KIAA2012: variants seen among roughly 807,000 people sequenced by gnomAD.
KIAA2012 encodes the protein uncharacterized protein KIAA2012.
In KIAA2012, 125 loss-of-function variants were observed where a neutral mutation model predicts 150.6. The observed-to-expected ratio is 0.83, with a 90% CI of 0.72 to 0.96. The LOEUF (loss-of-function observed/expected upper bound fraction) is 0.96. KIAA2012 is among the 40% of genes least tolerant of loss of function. The pLI is 0.00. For synonymous variants in KIAA2012, 462 were observed against 504.7 expected, an observed-to-expected ratio of 0.92 and a Z score of 1.13; for missense variants, 1,219 against 1,354.9, an observed-to-expected ratio of 0.90 and a Z score of 1.57.
In KIAA2012 at chr2:202,125,392, C is replaced by G. The variant is rs937810597; in HGVS notation, c.1831+110C>G. 16 of 795,632 alleles carry G rather than the reference C, an allele frequency of 2.0e-5. 1 individual carries two copies. Among genetic ancestry groups the G allele is most frequent in the Middle Eastern group, 5.2e-4 (2 of 3,814 alleles). 49.3% of individuals were successfully genotyped at this position (795,632 alleles called of 1,614,324 possible). Reference sequence around the variant, plus strand: ...AACCCACAATTTCTCCCCAAATATACCAATAAGTAGCAGAGAGGATTTGCT... The same window carrying G: ...AACCCACAATTTCTCCCCAAATATAGCAATAAGTAGCAGAGAGGATTTGCT... On this transcript the variant is annotated intron_variant, in intron 12 of 23. Coordinates refer to ENST00000498697, the MANE Select transcript of KIAA2012 (RefSeq NM_001277372.4).
intron 15 of KIAA2012, among the ~76,000 whole-genome samples, chr2:202,168,930 C>T (rs1470126159): frequency 6.6e-6 from 1 of 152,168 alleles, no homozygotes; most frequent in Non-Finnish European, 1.5e-5. Flanking sequence ...AGGCCCAGAG[C>T]CCTATTGCCT....
chr2:202,113,043 G>A (rs1056142219), intron 10 of KIAA2012, among the ~76,000 whole-genome samples: 6 of 152,118 alleles, frequency 3.9e-5, no homozygotes, highest in African/African-American at 9.7e-5. Flanking sequence ...GAGTGCCCCC[G>A]CTCACTTAGC....
intron 14 of KIAA2012, among the ~76,000 whole-genome samples, chr2:202,156,222 A>G (rs762597976): frequency 6.6e-6 from 1 of 152,070 alleles, no homozygotes; most frequent in Non-Finnish European, 1.5e-5. Context: ...AAAAAAAACT[A>G]CAAGAAAGAA....
At chr2:202,083,810 A>G (rs887661151) in intron 2 of KIAA2012, among the ~76,000 whole-genome samples, 6 of 152,162 alleles carry the variant, frequency 3.9e-5, no homozygotes, top group African/African-American at 1.4e-4. Flanking sequence ...ATCTGGTGAA[A>G]GAGGCGGATT....
chr2:202,179,338 G>C, intron 15 of KIAA2012: 1 of 1,084,810 alleles, frequency 9.2e-7, no homozygotes, highest in Non-Finnish European at 1.4e-6. Flanking sequence ...CATTCAGCCC[G>C]TCTGATAAAC....
In KIAA2012 at chr2:202,110,893, C is replaced by CTTCTGTTT. The variant is rs556674795; in HGVS notation, c.1651+1105_1651+1112dup. Among the ~76,000 whole-genome samples, 260 of 152,262 alleles carry CTTCTGTTT rather than the reference C, an allele frequency of 1.7e-3. 1 individual carries two copies. The highest frequency in any genetic ancestry group is 3.1e-3 in the Non-Finnish European group (212 of 68,022). On this transcript the variant is annotated intron_variant, in intron 10 of 23. Coordinates refer to ENST00000498697, the MANE Select transcript of KIAA2012 (RefSeq NM_001277372.4). ...TAATAGTTCCATTCTGTGTTTGCAG[C>CTTCTGTTT]TTCTGTTTCAGGCTGAGATGGTCAA...
At chr2:202,106,384 A>AT (rs1193114150) in intron 9 of KIAA2012, among the ~76,000 whole-genome samples, 1 of 152,218 alleles carries the variant, frequency 6.6e-6, no homozygotes, top group Non-Finnish European at 1.5e-5. Context: ...GTATTTATTC[A>AT]TTAAAAAGTC....
At chr2:202,172,749 G>A (rs1330458308) in intron 15 of KIAA2012, among the ~76,000 whole-genome samples, 1 of 152,224 alleles carries the variant, frequency 6.6e-6, no homozygotes, top group Non-Finnish European at 1.5e-5. Context: ...TCCTAACACT[G>A]TGGAGAAAAC....
At chr2:202,131,209 C>T (rs985284867) in intron 12 of KIAA2012, among the ~76,000 whole-genome samples, 1 of 152,112 alleles carries the variant, frequency 6.6e-6, no homozygotes, top group African/African-American at 2.4e-5. Context: ...GCACAATCTC[C>T]GCTCACTGCA....
At chr2:202,109,855 A>T in intron 10 of KIAA2012, 66 bp downstream of exon 10, 1 of 1,379,614 alleles carries the variant, frequency 7.2e-7, no homozygotes, top group South Asian at 1.6e-5. Flanking sequence ...CCAGGGCCGC[A>T]TGGCTGCTAT....
At chr2:202,075,744 A>G (rs1689310781) in intron 2 of KIAA2012, among the ~76,000 whole-genome samples, 1 of 152,222 alleles carries the variant, frequency 6.6e-6, no homozygotes, top group South Asian at 2.1e-4. Context: ...CCTGCTTTAT[A>G]TAATTGCATG....
At chr2:202,195,817 G>A (rs1692403454) in intron 21 of KIAA2012, among the ~76,000 whole-genome samples, 1 of 152,140 alleles carries the variant, frequency 6.6e-6, no homozygotes, top group African/African-American at 2.4e-5. Context: ...CTTAATGTAA[G>A]TCCTCCTAGG....
intron 14 of KIAA2012, among the ~76,000 whole-genome samples, chr2:202,164,114 C>G (rs1246004819): frequency 6.6e-6 from 1 of 151,988 alleles, no homozygotes; most frequent in Non-Finnish European, 1.5e-5. Context: ...CTTCCAGGAC[C>G]CTTCATGCCA....
intron 11 of KIAA2012, among the ~76,000 whole-genome samples, chr2:202,120,002 C>A (rs1272246730): frequency 6.6e-6 from 1 of 152,212 alleles, no homozygotes; most frequent in Non-Finnish European, 1.5e-5. Context: ...AGTTTCCCTG[C>A]ACAAGCTCTC....
In KIAA2012 at chr2:202,102,940, C is replaced by G; in HGVS notation, c.1156-6C>G. 1 of 1,547,716 alleles carries G rather than the reference C, an allele frequency of 6.5e-7. No homozygotes were observed. Among genetic ancestry groups the G allele is most frequent in the Non-Finnish European group, 8.7e-7 (1 of 1,146,096 alleles). Reference sequence around the variant, plus strand: ...CATGATCGTTTTGTTTTTAAATTTTCTCCAGGCACCAAAGGCTTTGAAATT... The same window carrying G: ...CATGATCGTTTTGTTTTTAAATTTTGTCCAGGCACCAAAGGCTTTGAAATT... On this transcript the variant is annotated splice_region_variant and splice_polypyrimidine_tract_variant and intron_variant, in intron 7 of 23. Transcript: ENST00000498697.
chr2:202,073,793 T>C, intron 1 of KIAA2012, 82 bp downstream of exon 1: 1 of 1,255,140 alleles, frequency 8.0e-7, no homozygotes, highest in Non-Finnish European at 1.1e-6. Context: ...GTAAACCATG[T>C]GTGTCTTGGT....
intron 15 of KIAA2012, among the ~76,000 whole-genome samples, chr2:202,180,407 C>T (rs996265029): frequency 6.6e-6 from 1 of 152,084 alleles, no homozygotes; most frequent in Non-Finnish European, 1.5e-5. Flanking sequence ...TGTATTTCTA[C>T]ATGGCTTAAA....
intron 15 of KIAA2012, among the ~76,000 whole-genome samples, chr2:202,180,786 C>G (rs991145682): frequency 6.6e-6 from 1 of 152,176 alleles, no homozygotes; most frequent in Non-Finnish European, 1.5e-5. Context: ...GATCGCACCA[C>G]TGCACTCCAG....
chr2:202,098,034 T>C (rs1187445139), intron 5 of KIAA2012, among the ~76,000 whole-genome samples: 1 of 152,210 alleles, frequency 6.6e-6, no homozygotes, highest in East Asian at 1.9e-4. Context: ...AAGTGTCACC[T>C]ATAGAACTGT....
Sources: gnomAD v4.1 joint callset for allele counts (sites outside exome capture counted in the v4.1 genomes callset) on GRCh38, gnomAD v4.1.1 for gene constraint, MANE v1.5 for transcripts, NCBI Gene and HGNC (gene_info 2026-07-23, HGNC 2026-07-21) for gene names.